CUBN: variants seen among roughly 807,000 people sequenced by gnomAD.
The protein encoded by CUBN is 460 kDa receptor.
Under a neutral mutation model 405.3 loss-of-function variants are expected in CUBN, and 282 were observed. The observed-to-expected ratio is 0.70, with a 90% CI of 0.63 to 0.77. The LOEUF is 0.77. Among genes scored for constraint, CUBN ranks in the 30% least tolerant of loss-of-function variants. The pLI, the probability that CUBN is intolerant of heterozygous loss-of-function variation, is 0.00. For synonymous variants in CUBN, 1,684 were observed against 1,617.0 expected (o/e 1.04, Z -0.99); for missense variants, 4,514 against 4,475.2 (o/e 1.01, Z -0.25).
chr10:16,863,300 C>A (rs929227254), intron 59 of CUBN, among the ~76,000 whole-genome samples: 1 of 152,180 alleles, frequency 6.6e-6, no homozygotes, highest in South Asian at 2.1e-4. Flanking sequence ...TTGGGTTTTT[C>A]TTTAAATGGG....
At chr10:17,046,125 G>T (rs1039032069) in intron 23 of CUBN, 31 bp from the exon 24 acceptor site, 1 of 1,590,258 alleles carries the variant, frequency 6.3e-7, no homozygotes, top group Non-Finnish European at 8.6e-7. Flanking sequence ...AAATTTATTG[G>T]GTTACTGACA....
chr10:17,089,520 G>C (rs796957149), intron 14 of CUBN, among the ~76,000 whole-genome samples: 2 of 152,242 alleles, frequency 1.3e-5, no homozygotes, highest in African/African-American at 4.8e-5. Context: ...TCATCACAAA[G>C]AAGGAGCAAA....
At chr10:17,119,045 A>G (rs889368517) in intron 6 of CUBN, among the ~76,000 whole-genome samples, 1 of 152,228 alleles carries the variant, frequency 6.6e-6, no homozygotes, top group Non-Finnish European at 1.5e-5. Context: ...TTGGATAGTC[A>G]TAGTTTAACT....
intron 6 of CUBN, among the ~76,000 whole-genome samples, chr10:17,121,577 A>T (rs1837042778): frequency 6.6e-6 from 1 of 151,296 alleles, no homozygotes; most frequent in Non-Finnish European, 1.5e-5. Flanking sequence ...GGATAGCATT[A>T]GGAGATATAC....
In CUBN at chr10:17,041,104, T is replaced by A; in HGVS notation, c.3946A>T (p.Asn1316Tyr). 1 of 1,613,852 alleles carries A rather than the reference T, an allele frequency of 6.2e-7. No individual in the cohort carries two copies. ...CNWTIRATTG[N>Y]TVNYTFLAFD... ...GCTAAAAATGTGTAGTTCACAGTGTTGCCTGTTGTTGCCCGGATGGTCCAG... is the reference window on the plus strand; with the variant it reads ...GCTAAAAATGTGTAGTTCACAGTGTAGCCTGTTGTTGCCCGGATGGTCCAG... Residue 1316 changes from asparagine (N) to tyrosine (Y), a missense_variant, in exon 27 of 67, where the codon AAC (asparagine) becomes TAC (tyrosine). Around this residue, in one of 5 missense-constraint regions of CUBN, gnomAD observed 242 missense variants for 309.0 expected, o/e 0.78. Coordinates refer to ENST00000377833, the MANE Select transcript of CUBN (RefSeq NM_001081.4).
At chr10:16,882,863 T>A (rs780834) in intron 56 of CUBN, among the ~76,000 whole-genome samples, 107,678 of 151,554 alleles carry the variant, frequency 0.71, 38,623 homozygotes, top group East Asian at 0.85. Context: ...AAAATACAAT[T>A]ATTAGCTGGG....
chr10:16,863,982 A>G (rs76655316), intron 59 of CUBN, among the ~76,000 whole-genome samples: 3,384 of 152,250 alleles, frequency 0.022, 122 homozygotes, highest in African/African-American at 0.077. Flanking sequence ...AAGTGATTCA[A>G]TTTACCTCCC....
rs780722793 is a variant in CUBN, at chr10:16,899,088, T to C, written c.8506A>G (p.Ile2836Val). The C allele has an allele frequency of 1.1e-5, 18 of 1,613,590 alleles. No individual in the cohort carries two copies. In the East Asian group the frequency reaches 1.6e-4, roughly 14 times the overall value. The change falls in exon 54 of 67, where the codon ATT becomes GTT. Residue 2836 changes from isoleucine (I) to valine (V), a missense_variant. By Grantham distance (29) the Ile-to-Val change is conservative. Around this residue, in one of 5 missense-constraint regions of CUBN, gnomAD observed 1,186 missense variants for 1,186.9 expected, o/e 1.00. Transcript: ENST00000377833. ...TCCAAGTGTTTACTTTTGTGAGTAA[T>C]GGCCGTCCAGGAACATCTGCTGTTT... is the stretch of plus-strand genomic sequence containing the variant. ...PENSRCSWTA[I>V]THKSKHLEIS...
At chr10:17,009,242 C>T (rs1834111431) in intron 28 of CUBN, among the ~76,000 whole-genome samples, 1 of 152,206 alleles carries the variant, frequency 6.6e-6, no homozygotes, top group Admixed American at 6.5e-5. Context: ...GTTCTGGTCC[C>T]AGCTGGCAAC....
intron 27 of CUBN, among the ~76,000 whole-genome samples, chr10:17,038,778 C>T (rs1239248263): frequency 6.6e-6 from 1 of 152,184 alleles, no homozygotes; most frequent in Admixed American, 6.5e-5. Flanking sequence ...CCTCTTGGCT[C>T]ACAGAGATGG....
At chr10:17,043,746 G>A in intron 26 of CUBN, 81 bp downstream of exon 26, 1 of 1,578,386 alleles carries the variant, frequency 6.3e-7, no homozygotes. Flanking sequence ...TACTTACTCT[G>A]CCAGTATTCA....
intron 54 of CUBN, among the ~76,000 whole-genome samples, chr10:16,892,149 A>C (rs1189835945): frequency 2.0e-5 from 3 of 152,238 alleles, no homozygotes; most frequent in Non-Finnish European, 2.9e-5. Flanking sequence ...CATTGGTTTA[A>C]TAATTCTCAG....
Position 16,966,881 on chromosome 10 carries a change from G to T in CUBN, c.4696-12333C>A, listed in dbSNP as rs186656027. 2.6e-5 allele frequency among the ~76,000 whole-genome samples: 4 copies of T among 152,300 alleles called. No homozygotes were observed. In the East Asian group the frequency reaches 7.7e-4, roughly 29 times the overall value. On this transcript the variant is annotated intron_variant, in intron 31 of 66. Transcript: ENST00000377833. ...CACAGGAGAGATAATTCACATGGAGGTGCAAAGTGATTTTGAGGATCGAGA... is the reference window on the plus strand; with the variant it reads ...CACAGGAGAGATAATTCACATGGAGTTGCAAAGTGATTTTGAGGATCGAGA...
intron 59 of CUBN, among the ~76,000 whole-genome samples, chr10:16,851,992 C>T (rs1184090254): frequency 8.3e-6 from 1 of 121,050 alleles, no homozygotes; most frequent in Non-Finnish European, 1.7e-5. Context: ...ATCTTTCCCT[C>T]CCTCCCTCTA....
intron 13 of CUBN, among the ~76,000 whole-genome samples, chr10:17,102,876 T>G (rs1050799247): frequency 1.3e-5 from 2 of 151,960 alleles, no homozygotes; most frequent in African/African-American, 2.4e-5. Context: ...CCTCATCCTC[T>G]CAAAGTGCTG....
intron 62 of CUBN, among the ~76,000 whole-genome samples, chr10:16,837,387 C>T (rs1467512945): frequency 2.6e-5 from 4 of 152,106 alleles, no homozygotes; most frequent in Admixed American, 1.3e-4. Flanking sequence ...TCTCCTTCGA[C>T]GGTCTCTACA....
chr10:17,007,179 C>T (rs1448268578), intron 28 of CUBN, among the ~76,000 whole-genome samples: 1 of 150,546 alleles, frequency 6.6e-6, no homozygotes. Context: ...ACCCCTATCC[C>T]CCACCCCCTC....
intron 28 of CUBN, among the ~76,000 whole-genome samples, chr10:16,991,956 G>A (rs979439901): frequency 2.5e-4 from 38 of 152,112 alleles, no homozygotes; most frequent in Non-Finnish European, 4.1e-4. Flanking sequence ...GTTTATTCCG[G>A]CACTATTCAC....
intron 15 of CUBN, among the ~76,000 whole-genome samples, chr10:17,086,122 C>T (rs1971461): frequency 2.6e-5 from 4 of 151,782 alleles, no homozygotes; most frequent in African/African-American, 7.3e-5. Flanking sequence ...CCTGCCACCA[C>T]GCCCAGCTAT....
Sources: allele counts gnomAD v4.1 joint callset (sites outside exome capture counted in the v4.1 genomes callset), GRCh38; gene constraint gnomAD v4.1.1; regional missense constraint gnomAD v4.1.1; transcripts MANE v1.5; gene names NCBI Gene and HGNC (gene_info 2026-07-23, HGNC 2026-07-21).